Variants in CEP70 observed in about 807,000 individuals in gnomAD.
CEP70 encodes centrosomal protein of 70 kDa.
A neutral mutation model predicts 90.9 loss-of-function variants in CEP70; 70 were observed. The ratio of observed to expected loss-of-function variants is 0.77; its 90% confidence interval spans 0.64 to 0.94. The LOEUF (loss-of-function observed/expected upper bound fraction) is 0.94. CEP70 is among the 40% of genes least tolerant of loss of function. CEP70 has a pLI of 0.00. For synonymous variants in CEP70, 220 were observed against 228.3 expected, an observed-to-expected ratio of 0.96 and a Z score of 0.33; for missense variants, 648 against 669.0, an observed-to-expected ratio of 0.97 and a Z score of 0.35.
intron 10 of CEP70, among the ~76,000 whole-genome samples, chr3:138,525,810 AT>A (rs1228093502): frequency 1.3e-5 from 2 of 152,186 alleles, no homozygotes; most frequent in Non-Finnish European, 2.9e-5. Flanking sequence ...TTATAGTGAA[AT>A]ATTTCAAGTA....
At position 138,591,898 on chromosome 3, in the gene CEP70, A is replaced by T; in HGVS notation, c.-50T>A. 6.7e-7 allele frequency: 1 copy of T among 1,486,500 alleles called. No homozygotes were observed. Among genetic ancestry groups the T allele is most frequent in the South Asian group, 1.3e-5 (1 of 77,042 alleles). The allele number at this position is 1,486,500 out of a possible 1,614,324, so 92.1% of individuals were successfully genotyped here. On this transcript the variant is annotated 5_prime_UTR_variant, in exon 2 of 18. Coordinates refer to ENST00000264982, the MANE Select transcript of CEP70 (RefSeq NM_024491.4). Reference sequence around the variant, plus strand: ...TCTTGCACTTTACACCTGGTCATTCAGGTTGATCTCAATGAAATGATCACC... The same window carrying T: ...TCTTGCACTTTACACCTGGTCATTCTGGTTGATCTCAATGAAATGATCACC...
chr3:138,534,059 C>CA (rs1244151118), intron 7 of CEP70, among the ~76,000 whole-genome samples: 4 of 152,250 alleles, frequency 2.6e-5, no homozygotes, highest in Non-Finnish European at 5.9e-5. Flanking sequence ...GCTGGGATTA[C>CA]AGGCGTAAGC....
At chr3:138,528,264 C>T (rs9865731) in intron 10 of CEP70, among the ~76,000 whole-genome samples, 2 of 151,942 alleles carry the variant, frequency 1.3e-5, no homozygotes, top group African/African-American at 4.8e-5. Context: ...ATGCTGGTCT[C>T]GAATTCCTGC....
chr3:138,543,950 C>T (rs1157955916), intron 6 of CEP70, among the ~76,000 whole-genome samples: 1 of 151,286 alleles, frequency 6.6e-6, no homozygotes, highest in African/African-American at 2.5e-5. Context: ...TTTAGTTTTT[C>T]CTTTGTTTGT....
At chr3:138,518,273 A>G (rs1328821451) in intron 11 of CEP70, among the ~76,000 whole-genome samples, 1 of 152,194 alleles carries the variant, frequency 6.6e-6, no homozygotes, top group Non-Finnish European at 1.5e-5. Context: ...ATAGCCAAAC[A>G]AAAGGCAGCA....
intron 17 of CEP70, chr3:138,496,473 A>C: frequency 1.0e-6 from 1 of 985,224 alleles, no homozygotes; most frequent in African/African-American, 1.7e-5. Context: ...GTATTCCCTG[A>C]CTCCGCCCCC....
intron 12 of CEP70, among the ~76,000 whole-genome samples, chr3:138,506,330 A>G (rs941081511): frequency 2.0e-5 from 3 of 152,154 alleles, no homozygotes; most frequent in Non-Finnish European, 2.9e-5. Context: ...GCAACAGAGC[A>G]AGACCCTGTC....
chr3:138,551,958 T>C (rs1217700639), intron 6 of CEP70, among the ~76,000 whole-genome samples: 1 of 152,022 alleles, frequency 6.6e-6, no homozygotes, highest in Non-Finnish European at 1.5e-5. Context: ...CTTACATAAA[T>C]GTCAGGTAAA....
chr3:138,513,084 G>C (rs2035676190), intron 11 of CEP70, among the ~76,000 whole-genome samples: 1 of 152,150 alleles, frequency 6.6e-6, no homozygotes, highest in Admixed American at 6.5e-5. Context: ...AAAATCCAAT[G>C]TGTTATATTT....
intron 2 of CEP70, among the ~76,000 whole-genome samples, chr3:138,590,228 A>G (rs1420783377): frequency 6.6e-6 from 1 of 152,172 alleles, no homozygotes; most frequent in Non-Finnish European, 1.5e-5. Flanking sequence ...TAAATATGGA[A>G]TATTCTATTT....
Position 138,572,870 on chromosome 3 carries a change from T to C in CEP70, c.58A>G (p.Thr20Ala). ...DSSQPSDRLM[T>A]EKQQEEAEWE... ...TATTTTAAGTTTACCTGTTTTTCAG[T>C]CATGAGTCTGTCTGATGGTTGACTG... Residue 20 changes from threonine (T) to alanine (A), a missense_variant, in exon 3 of 18, where the codon ACT becomes GCT. Thr to Ala is a moderately conservative substitution (Grantham distance 58). Transcript: ENST00000264982. 1 of 1,599,712 alleles carries C rather than the reference T, an allele frequency of 6.3e-7. No individual in the cohort carries two copies. Among genetic ancestry groups the C allele is most frequent in the Non-Finnish European group, 8.6e-7 (1 of 1,167,450 alleles).
At chr3:138,501,011 C>T in intron 13 of CEP70, 130 bp from the exon 14 acceptor site, 1 of 327,730 alleles carries the variant, frequency 3.1e-6, no homozygotes, top group Non-Finnish European at 5.1e-6. Flanking sequence ...AACATAATTA[C>T]ACAGGTTAAA....
intron 6 of CEP70, among the ~76,000 whole-genome samples, chr3:138,551,724 T>C (rs368936891): frequency 4.2e-5 from 6 of 142,768 alleles, no homozygotes; most frequent in African/African-American, 1.3e-4. Context: ...CCAGCCTGGG[T>C]GACAAGAGTG....
At chr3:138,586,840 T>G (rs1172432412) in intron 2 of CEP70, among the ~76,000 whole-genome samples, 1 of 152,246 alleles carries the variant, frequency 6.6e-6, no homozygotes, top group African/African-American at 2.4e-5. Flanking sequence ...ATAATTGGAT[T>G]GTTTCTAACA....
intron 11 of CEP70, among the ~76,000 whole-genome samples, chr3:138,523,938 C>T (rs1345489031): frequency 6.6e-6 from 1 of 151,202 alleles, no homozygotes; most frequent in African/African-American, 2.5e-5. Flanking sequence ...GCCAAAAGAA[C>T]AAAGCTGAAG....
At chr3:138,589,340 T>C (rs1031700517) in intron 2 of CEP70, among the ~76,000 whole-genome samples, 23 of 152,010 alleles carry the variant, frequency 1.5e-4, no homozygotes, top group Admixed American at 1.4e-3. Context: ...ATTCTAATAT[T>C]ATTAGCAGAC....
chr3:138,496,175 G>A (rs2033940938), intron 17 of CEP70: 1 of 985,280 alleles, frequency 1.0e-6, no homozygotes, highest in African/African-American at 1.7e-5. Context: ...AGCTTATTCT[G>A]TTAAGCCATC....
intron 10 of CEP70, among the ~76,000 whole-genome samples, chr3:138,527,329 A>C (rs76154777): frequency 7.0e-6 from 1 of 143,426 alleles, no homozygotes; most frequent in African/African-American, 2.6e-5. Context: ...TGCCTGGCTA[A>C]TTTTTTTTTT....
At chr3:138,520,252 C>G (rs2036484855) in intron 11 of CEP70, among the ~76,000 whole-genome samples, 1 of 152,144 alleles carries the variant, frequency 6.6e-6, no homozygotes, top group African/African-American at 2.4e-5. Flanking sequence ...TAACACCCCA[C>G]TGTCAACATT....
Sources: gnomAD v4.1 joint callset for allele counts (sites outside exome capture counted in the v4.1 genomes callset) on GRCh38, gnomAD v4.1.1 for gene constraint, MANE v1.5 for transcripts, NCBI Gene and HGNC (gene_info 2026-07-23, HGNC 2026-07-21) for gene names.